ME2: variants seen among roughly 807,000 people sequenced by gnomAD.
ME2 encodes NAD-dependent malic enzyme, mitochondrial.
A neutral mutation model predicts 73.7 loss-of-function variants in ME2; 60 were observed. The observed-to-expected ratio is 0.81, with a 90% CI of 0.66 to 1.01. The LOEUF (loss-of-function observed/expected upper bound fraction) is 1.01, where lower values mean the gene tolerates loss of function less well. Among genes scored for constraint, ME2 ranks in the 50% least tolerant of loss-of-function variants. ME2 has a pLI of 0.00. For missense variants in ME2, 594 were observed against 705.5 expected (o/e 0.84, Z 1.79); for synonymous variants, 199 against 236.9 (o/e 0.84, Z 1.47).
chr18:50,881,880 G>T (rs533995543), intron 1 of ME2, among the ~76,000 whole-genome samples: 3 of 152,194 alleles, frequency 2.0e-5, no homozygotes, highest in Admixed American at 1.3e-4. Context: ...TCTTAAAATA[G>T]CCTATTAAAT....
intron 1 of ME2, among the ~76,000 whole-genome samples, chr18:50,890,801 A>G (rs1261985078): frequency 2.0e-5 from 3 of 152,220 alleles, no homozygotes; most frequent in Non-Finnish European, 4.4e-5. Context: ...AAAACCTAGT[A>G]GGAAGCAATT....
chr18:50,896,186 A>C (rs1390348739), intron 2 of ME2, among the ~76,000 whole-genome samples: 1 of 152,212 alleles, frequency 6.6e-6, no homozygotes, highest in Non-Finnish European at 1.5e-5. Context: ...AATAAAAAAT[A>C]AAAAATCCCA....
rs1490120028 is a variant in ME2, at chr18:50,919,758, G to A, written c.735-698G>A. On this transcript the variant is annotated intron_variant, in intron 7 of 15. Coordinates refer to ENST00000321341, the MANE Select transcript of ME2 (RefSeq NM_002396.5). ...CATATGTGAATATTTTCCTTTCTCT[G>A]CAGCCTTCACTGTTTCTACATGGGA... Among the ~76,000 whole-genome samples, 3 of 151,664 alleles carry A rather than the reference G, an allele frequency of 2.0e-5. No individual in the cohort carries two copies. In the East Asian group the frequency reaches 5.8e-4, roughly 29 times the overall value.
intron 2 of ME2, among the ~76,000 whole-genome samples, chr18:50,901,334 T>C (rs1015944054): frequency 6.6e-6 from 1 of 152,194 alleles, no homozygotes; most frequent in African/African-American, 2.4e-5. Flanking sequence ...AAGAGTCTGA[T>C]TTGTATTAAA....
intron 10 of ME2, among the ~76,000 whole-genome samples, chr18:50,923,758 T>C (rs1917481565): frequency 6.6e-6 from 1 of 152,146 alleles, no homozygotes; most frequent in South Asian, 2.1e-4. Context: ...CAAATTAAAT[T>C]AAATATGAAA....
intron 11 of ME2, 114 bp downstream of exon 11, chr18:50,924,326 G>C: frequency 1.5e-6 from 1 of 671,238 alleles, no homozygotes; most frequent in Non-Finnish European, 2.5e-6. Flanking sequence ...CTTTCAGCAT[G>C]TACAATGTTT....
chr18:50,882,703 C>CT (rs565618655), intron 1 of ME2, among the ~76,000 whole-genome samples: 67 of 152,294 alleles, frequency 4.4e-4, no homozygotes, highest in Non-Finnish European at 8.5e-4. Flanking sequence ...AATCCCAGCA[C>CT]TTTGGGAGCC....
chr18:50,914,723 A>C (rs1917244215), intron 4 of ME2, among the ~76,000 whole-genome samples: 1 of 152,198 alleles, frequency 6.6e-6, no homozygotes, highest in African/African-American at 2.4e-5. Context: ...TTTGAACTGT[A>C]ATAGTAGTGC....
chr18:50,896,000 G>A, intron 2 of ME2, 72 bp downstream of exon 2: 3 of 1,043,098 alleles, frequency 2.9e-6, no homozygotes, highest in Non-Finnish European at 2.9e-6. Context: ...GACTGATAAG[G>A]TGTGACATAT....
Position 50,908,177 on chromosome 18 carries a change from A to G in ME2, c.223A>G (p.Met75Val). 3.8e-6 allele frequency: 6 copies of G among 1,598,606 alleles called. No individual in the cohort carries two copies. The highest frequency in any genetic ancestry group is 5.1e-6 in the Non-Finnish European group (6 of 1,175,062). Residue 75 changes from methionine (M) to valine (V), a missense_variant, in exon 3 of 16, where the codon ATG (methionine) becomes GTG (valine). Transcript: ENST00000321341. ...ALRFHRNLKKMTSPLEKYIYI... is the reference protein window; with the variant it reads ...ALRFHRNLKKVTSPLEKYIYI... ...ACGATTTCATAGAAACTTGAAGAAA[A>G]TGACTAGCCCTTTGGAAAAGTAAGA...
chr18:50,916,287 C>A, intron 5 of ME2, 44 bp downstream of exon 5: 1 of 1,416,094 alleles, frequency 7.1e-7, no homozygotes, highest in South Asian at 1.2e-5. Flanking sequence ...TTTCTCTTTT[C>A]TTGTAAATTA....
At chr18:50,911,201 A>G (rs1449646516) in intron 3 of ME2, among the ~76,000 whole-genome samples, 2 of 152,202 alleles carry the variant, frequency 1.3e-5, no homozygotes, top group Non-Finnish European at 2.9e-5. Flanking sequence ...CATTACTTCC[A>G]TCTCACAAAG....
chr18:50,934,940 G>C (rs1019146263), intron 13 of ME2: 1 of 152,144 alleles, frequency 6.6e-6, no homozygotes, highest in Non-Finnish European at 1.5e-5. Context: ...TATAGACCAG[G>C]AAGAAAGTGG....
intron 13 of ME2, among the ~76,000 whole-genome samples, chr18:50,938,358 C>T (rs1917864448): frequency 6.6e-6 from 1 of 152,010 alleles, no homozygotes; most frequent in African/African-American, 2.4e-5. Flanking sequence ...ATCCTACATG[C>T]ATCCAGAGAT....
At chr18:50,920,928 G>A (rs1312892596) in intron 9 of ME2, 146 bp from the exon 10 acceptor site, 20 of 695,948 alleles carry the variant, frequency 2.9e-5, no homozygotes, top group East Asian at 8.8e-5. Context: ...AATATGTTTC[G>A]AGAGAATATC....
At chr18:50,917,223 A>G in intron 5 of ME2, 124 bp from the exon 6 acceptor site, 1 of 740,188 alleles carries the variant, frequency 1.4e-6, no homozygotes, top group South Asian at 2.5e-5. Flanking sequence ...AAATTAGCCA[A>G]GAAACAATTT....
chr18:50,919,965 T>C (rs1370211484), intron 7 of ME2, among the ~76,000 whole-genome samples: 19 of 152,178 alleles, frequency 1.2e-4, no homozygotes, highest in Non-Finnish European at 1.2e-4. Context: ...CTTTACTTTT[T>C]GTTCTTTCAG....
chr18:50,893,124 C>CAAAAAAAAAAAAAAAAAAAAAA (rs56104427), intron 1 of ME2, among the ~76,000 whole-genome samples: 4 of 78,092 alleles, frequency 5.1e-5, no homozygotes, highest in African/African-American at 1.2e-4. Context: ...GACTCTATCT[C>CAAAAAAAAAAAAAAAAAAAAAA]AAAAAAAAAA....
At chr18:50,917,736 C>A (rs1917318346) in intron 6 of ME2, among the ~76,000 whole-genome samples, 1 of 152,002 alleles carries the variant, frequency 6.6e-6, no homozygotes, top group Non-Finnish European at 1.5e-5. Context: ...CATTGGAAGG[C>A]CGAGGCAGGC....
Sources: allele counts gnomAD v4.1 joint callset (sites outside exome capture counted in the v4.1 genomes callset), GRCh38; gene constraint gnomAD v4.1.1; transcripts MANE v1.5; gene names NCBI Gene and HGNC (gene_info 2026-07-23, HGNC 2026-07-21).